Variants in SYK observed in about 807,000 individuals in gnomAD.
The protein encoded by SYK is spleen associated tyrosine kinase.
SYK carries 16 observed loss-of-function variants against 77.8 expected under a neutral mutation model. The ratio of observed to expected loss-of-function variants is 0.21; its 90% CI spans 0.14 to 0.31. The LOEUF is 0.31. SYK is among the 10% of genes least tolerant of loss of function. SYK has a pLI of 1.00. For missense variants in SYK, 529 were observed against 814.4 expected, an observed-to-expected ratio of 0.65 and a Z score of 4.26; for synonymous variants, 312 against 308.7, an observed-to-expected ratio of 1.01 and a Z score of -0.11.
At chr9:90,826,074 C>T (rs887696956) in intron 1 of SYK, among the ~76,000 whole-genome samples, 2 of 152,178 alleles carry the variant, frequency 1.3e-5, no homozygotes, top group African/African-American at 4.8e-5. Context: ...ACATTGAGAA[C>T]CCAGCTCCAG....
At chr9:90,808,471 T>C (rs983957107) in intron 1 of SYK, among the ~76,000 whole-genome samples, 15 of 151,844 alleles carry the variant, frequency 9.9e-5, no homozygotes, top group African/African-American at 3.6e-4. Flanking sequence ...GTTTTTTTTT[T>C]TTTTTAGGTA....
intron 13 of SYK, among the ~76,000 whole-genome samples, chr9:90,893,530 C>G (rs1216438415): frequency 6.6e-5 from 10 of 152,064 alleles, no homozygotes; most frequent in African/African-American, 2.4e-4. Flanking sequence ...GAAATAGTCT[C>G]ATTAGCACAA....
rs571599993 is a variant in SYK, at chr9:90,818,849, A to G, written c.-42+16956A>G. On this transcript the variant is annotated intron_variant, in intron 1 of 13. Transcript: ENST00000375754. ...CTCTGGTGCCCCTGATTTAGGCTTC[A>G]TGGCCTTCTCTACCCTGCAGGAATT... Among the ~76,000 whole-genome samples, 50 of 152,320 alleles carry G rather than the reference A, an allele frequency of 3.3e-4. No homozygotes were observed. The East Asian group carries it at 6.6e-3, about 20-fold the overall frequency.
At chr9:90,873,620 C>T (rs1274072396) in intron 7 of SYK, among the ~76,000 whole-genome samples, 1 of 152,166 alleles carries the variant, frequency 6.6e-6, no homozygotes, top group Non-Finnish European at 1.5e-5. Flanking sequence ...AGCAACTGGC[C>T]TTCCCTTGGG....
chr9:90,809,641 A>G (rs1049170498), intron 1 of SYK, among the ~76,000 whole-genome samples: 2 of 152,240 alleles, frequency 1.3e-5, no homozygotes, highest in Non-Finnish European at 2.9e-5. Context: ...TCCCAAACCA[A>G]TGAGAGACTC....
chr9:90,867,303 C>A, intron 7 of SYK, 104 bp downstream of exon 7: 1 of 1,169,874 alleles, frequency 8.5e-7, no homozygotes, highest in Non-Finnish European at 1.3e-6. Flanking sequence ...CCCCCCATCT[C>A]TTGCCACTCT....
At chr9:90,848,542 C>T (rs1235356096) in intron 3 of SYK, among the ~76,000 whole-genome samples, 1 of 152,264 alleles carries the variant, frequency 6.6e-6, no homozygotes, top group Non-Finnish European at 1.5e-5. Flanking sequence ...ATTCCAGTCA[C>T]TGCTGGATGT....
At chr9:90,886,938 C>T (rs1227209479) in intron 11 of SYK, among the ~76,000 whole-genome samples, 1 of 151,772 alleles carries the variant, frequency 6.6e-6, no homozygotes, top group Admixed American at 6.6e-5. Context: ...ATATATACAC[C>T]TCTAGAGGTG....
intron 3 of SYK, among the ~76,000 whole-genome samples, chr9:90,860,002 C>T (rs1755991): frequency 0.55 from 83,475 of 151,960 alleles, 24,597 homozygotes; most frequent in East Asian, 0.95. Flanking sequence ...ATCTTTTTTT[C>T]TGGAGAGATG....
intron 1 of SYK, among the ~76,000 whole-genome samples, chr9:90,832,512 G>A (rs1032233048): frequency 2.0e-5 from 3 of 152,178 alleles, no homozygotes; most frequent in African/African-American, 4.8e-5. Context: ...AGAAGCCAGG[G>A]TGAGGCAGGC....
chr9:90,827,171 A>G lies in SYK; in HGVS notation c.-41-16687A>G, dbSNP rs79102414. 5.5e-3 allele frequency among the ~76,000 whole-genome samples: 835 copies of G among 152,144 alleles called. 7 individuals are homozygous for G. The highest frequency in any genetic ancestry group is 0.018 in the African/African-American group (758 of 41,514). On this transcript the variant is annotated intron_variant, in intron 1 of 13. Coordinates refer to ENST00000375754, the MANE Select transcript of SYK (RefSeq NM_003177.7). ...GACCAAGTTCATTTTTGGTAAAAAC[A>G]CTTGGGAAAGGGCATTTCCAGGCTG...
chr9:90,853,404 A>G (rs1826895525), intron 3 of SYK, among the ~76,000 whole-genome samples: 1 of 151,828 alleles, frequency 6.6e-6, no homozygotes, highest in Non-Finnish European at 1.5e-5. Context: ...TCATGCTGCT[A>G]TAAAGACACA....
At chr9:90,856,436 T>C (rs1359233220) in intron 3 of SYK, among the ~76,000 whole-genome samples, 1 of 152,232 alleles carries the variant, frequency 6.6e-6, no homozygotes, top group Non-Finnish European at 1.5e-5. Flanking sequence ...TTATATTTTT[T>C]ATTTTCCCTT....
intron 1 of SYK, among the ~76,000 whole-genome samples, chr9:90,833,498 G>C (rs1447119687): frequency 6.6e-6 from 1 of 152,190 alleles, no homozygotes; most frequent in African/African-American, 2.4e-5. Flanking sequence ...CATGCTGGCT[G>C]TTCCTCTGTA....
At chr9:90,873,213 G>A (rs1018690518) in intron 7 of SYK, among the ~76,000 whole-genome samples, 3 of 152,134 alleles carry the variant, frequency 2.0e-5, no homozygotes, top group Non-Finnish European at 2.9e-5. Flanking sequence ...ATAAGTGACT[G>A]TCACGTTAAG....
intron 1 of SYK, among the ~76,000 whole-genome samples, chr9:90,820,353 G>A (rs1408605788): frequency 6.6e-6 from 1 of 152,218 alleles, no homozygotes; most frequent in Non-Finnish European, 1.5e-5. Flanking sequence ...CCTAGCAGAG[G>A]TTATCCATGA....
rs140856212 is a variant in SYK at position 90,881,945 on chromosome 9, A to G, written c.1581+2992A>G. On this transcript the variant is annotated intron_variant, in intron 11 of 13. Transcript: ENST00000375754. The stretch of plus-strand genomic sequence containing the variant: ...TCCGCAGGGTTTGGTCCAATCAGTC[A>G]TAGCAGATTCACAGGAAGCTCACAA... Among the ~76,000 whole-genome samples, 14 of 152,356 alleles carry G rather than the reference A, an allele frequency of 9.2e-5. No homozygotes were observed. The East Asian group carries it at 2.7e-3, about 29-fold the overall frequency.
Position 90,843,870 on chromosome 9 carries a change from G to T in SYK, c.-29G>T. On this transcript the variant is annotated 5_prime_UTR_variant, in exon 2 of 14. Coordinates refer to ENST00000375754, the MANE Select transcript of SYK (RefSeq NM_003177.7). Reference sequence around the variant, plus strand: ...CTGTCTTGCCCAGGTGGACACCTGCGCAGGTGTGTGCCCTCCGGCCCCTGA... The same window carrying T: ...CTGTCTTGCCCAGGTGGACACCTGCTCAGGTGTGTGCCCTCCGGCCCCTGA... 6.8e-7 allele frequency: 1 copy of T among 1,473,728 alleles called. No homozygotes were observed. The highest frequency in any genetic ancestry group is 2.4e-5 in the East Asian group (1 of 41,680). 91.3% of individuals were successfully genotyped at this position (1,473,728 alleles called of 1,614,324 possible). A position where few individuals can be genotyped will look rare whatever the true frequency, so the allele number is the denominator to read the frequency against.
intron 9 of SYK, among the ~76,000 whole-genome samples, chr9:90,875,057 T>G (rs931036172): frequency 6.6e-6 from 1 of 151,990 alleles, no homozygotes; most frequent in African/African-American, 2.4e-5. Flanking sequence ...TAATAGTACA[T>G]GCACCTTATG....
Sources: gnomAD v4.1 joint callset for allele counts (sites outside exome capture counted in the v4.1 genomes callset) on GRCh38, gnomAD v4.1.1 for gene constraint, MANE v1.5 for transcripts, NCBI Gene and HGNC (gene_info 2026-07-23, HGNC 2026-07-21) for gene names.